Variants in GTF2F2 observed in about 807,000 individuals in gnomAD.
GTF2F2 encodes ATP-dependent helicase GTF2F2.
In GTF2F2, 23 loss-of-function variants were observed where a neutral mutation model predicts 42.2. That is an observed-to-expected ratio of 0.55 (90% CI 0.39 to 0.77). The LOEUF (loss-of-function observed/expected upper bound fraction) is 0.77, where lower values mean the gene tolerates loss of function less well. GTF2F2 is among the 30% of genes least tolerant of loss of function. The pLI, the probability that GTF2F2 is intolerant of heterozygous loss-of-function variation, is 0.00. For missense variants in GTF2F2, 261 were observed against 287.2 expected (o/e 0.91, Z 0.66); for synonymous variants, 105 against 100.8 (o/e 1.04, Z -0.25).
Position 45,174,978 on chromosome 13 carries a change from T to G in GTF2F2, c.304+23147T>G, listed in dbSNP as rs566607522. 1.4e-4 allele frequency among the ~76,000 whole-genome samples: 21 copies of G among 152,338 alleles called. 1 individual carries two copies. Among genetic ancestry groups the G allele is most frequent in the African/African-American group, 4.6e-4 (19 of 41,576 alleles). On this transcript the variant is annotated intron_variant, in intron 4 of 7. Coordinates refer to ENST00000340473, the MANE Select transcript of GTF2F2 (RefSeq NM_004128.3). ...TTGGGAATATTAAAAATCTTACAGCTCTTTGAAAATATGCACTAAATTATT... is the reference window on the plus strand; with the variant it reads ...TTGGGAATATTAAAAATCTTACAGCGCTTTGAAAATATGCACTAAATTATT...
chr13:45,260,028 G>A (rs1188775199), intron 6 of GTF2F2, among the ~76,000 whole-genome samples: 2 of 150,186 alleles, frequency 1.3e-5, no homozygotes, highest in Non-Finnish European at 3.0e-5. Flanking sequence ...GAAAGAACTC[G>A]AAAACCTTAA....
intron 7 of GTF2F2, among the ~76,000 whole-genome samples, chr13:45,279,920 C>A (rs551318636): frequency 1.3e-5 from 2 of 151,360 alleles, no homozygotes; most frequent in Non-Finnish European, 2.9e-5. Flanking sequence ...GTCCCCCCGC[C>A]CCCCCCAAAA....
intron 4 of GTF2F2, among the ~76,000 whole-genome samples, chr13:45,170,614 T>C (rs184180651): frequency 6.6e-6 from 1 of 152,332 alleles, no homozygotes; most frequent in Admixed American, 6.5e-5. Context: ...CTGAGTAAAT[T>C]ATATTCTAAT....
Position 45,194,579 on chromosome 13 carries a change from G to T in GTF2F2, c.305-12845G>T, listed in dbSNP as rs755078847. 3.8e-6 allele frequency: 6 copies of T among 1,599,580 alleles called. No individual in the cohort carries two copies. In the South Asian group the frequency reaches 6.7e-5, roughly 18 times the overall value. On this transcript the variant is annotated intron_variant, in intron 4 of 7. Coordinates refer to ENST00000340473, the MANE Select transcript of GTF2F2 (RefSeq NM_004128.3). ...ATTTTACGCTCCATTTTTTGAAGATGCTATTTCAGCTTGTTCTTCTTGGCT... is the reference window on the plus strand; with the variant it reads ...ATTTTACGCTCCATTTTTTGAAGATTCTATTTCAGCTTGTTCTTCTTGGCT...
intron 6 of GTF2F2, among the ~76,000 whole-genome samples, chr13:45,258,776 TATAA>T (rs1328190119): frequency 6.6e-6 from 1 of 152,216 alleles, no homozygotes; most frequent in African/African-American, 2.4e-5. Flanking sequence ...TATATCTATT[TATAA>T]ATACAGTAGT....
Position 45,283,671 on chromosome 13 carries a change from A to G in GTF2F2, c.*110A>G. ...ATGTTAATAGGGGTTAAGTGACAGT[A>G]CTTTGATTTCTCTCGGTAAATTTTT... On this transcript the variant is annotated 3_prime_UTR_variant, in exon 8 of 8. Transcript: ENST00000340473. 2 of 840,446 alleles carry G rather than the reference A, an allele frequency of 2.4e-6. No individual in the cohort carries two copies. 52.1% of individuals were successfully genotyped at this position (840,446 alleles called of 1,614,324 possible). A position where few individuals can be genotyped will look rare whatever the true frequency, so the allele number is the denominator to read the frequency against.
At chr13:45,137,290 A>G (rs1869678921) in intron 2 of GTF2F2, among the ~76,000 whole-genome samples, 1 of 152,208 alleles carries the variant, frequency 6.6e-6, no homozygotes, top group Admixed American at 6.5e-5. Flanking sequence ...CTTGTTAGAA[A>G]GGAAAGCCTC....
intron 5 of GTF2F2, among the ~76,000 whole-genome samples, chr13:45,227,044 G>T (rs1874394279): frequency 6.6e-6 from 1 of 152,116 alleles, no homozygotes; most frequent in South Asian, 2.1e-4. Context: ...AGGCTGCAGT[G>T]AGCTGTGATC....
chr13:45,236,330 C>A (rs1874978415), intron 5 of GTF2F2, among the ~76,000 whole-genome samples: 2 of 151,936 alleles, frequency 1.3e-5, no homozygotes, highest in African/African-American at 4.8e-5. Flanking sequence ...CAGTAGGAGG[C>A]CCTAGAATTT....
intron 7 of GTF2F2, among the ~76,000 whole-genome samples, chr13:45,276,756 G>A (rs1001518494): frequency 6.6e-6 from 1 of 152,132 alleles, no homozygotes; most frequent in African/African-American, 2.4e-5. Context: ...CAGTTTAGAA[G>A]CATGTCTTTA....
At chr13:45,276,498 A>G (rs578181751) in intron 7 of GTF2F2, among the ~76,000 whole-genome samples, 22 of 150,542 alleles carry the variant, frequency 1.5e-4, no homozygotes, top group Admixed American at 1.4e-3. Flanking sequence ...GTGCAATGGC[A>G]TGATCTCGGC....
intron 5 of GTF2F2, among the ~76,000 whole-genome samples, chr13:45,248,545 C>G (rs768261271): frequency 1.3e-5 from 2 of 152,110 alleles, no homozygotes; most frequent in African/African-American, 4.8e-5. Flanking sequence ...GCGATCTCAG[C>G]TCACTGCAAC....
chr13:45,265,471 A>C (rs78218019), intron 6 of GTF2F2, among the ~76,000 whole-genome samples: 66 of 152,180 alleles, frequency 4.3e-4, no homozygotes, highest in Middle Eastern at 3.4e-3. Flanking sequence ...TACTCTCCCC[A>C]TATCTTAGCG....
chr13:45,130,654 G>A (rs1869297651), intron 1 of GTF2F2, among the ~76,000 whole-genome samples: 1 of 152,108 alleles, frequency 6.6e-6, no homozygotes, highest in Admixed American at 6.5e-5. Flanking sequence ...ATTGGATTTG[G>A]GGTATAAGAA....
rs531550694 is a variant in GTF2F2, at chr13:45,173,446, A to T, written c.304+21615A>T. 2.0e-5 allele frequency among the ~76,000 whole-genome samples: 3 copies of T among 151,378 alleles called. No individual in the cohort carries two copies. In the South Asian group the frequency reaches 6.3e-4, roughly 32 times the overall value. ...TCACGTGTGGTTTCATATACCCATC[A>T]CCACACTCAAGATGCAGAACAGTTC... On this transcript the variant is annotated intron_variant, in intron 4 of 7. Transcript: ENST00000340473.
intron 6 of GTF2F2, among the ~76,000 whole-genome samples, chr13:45,256,318 C>T (rs935150668): frequency 6.6e-6 from 1 of 152,096 alleles, no homozygotes; most frequent in African/African-American, 2.4e-5. Flanking sequence ...TAAACAAGTA[C>T]TTTTTAAATA....
chr13:45,241,227 A>C (rs1875287355), intron 5 of GTF2F2, among the ~76,000 whole-genome samples: 1 of 151,038 alleles, frequency 6.6e-6, no homozygotes, highest in Admixed American at 6.6e-5. Flanking sequence ...AAATAGTTAG[A>C]AGATCTGATA....
chr13:45,151,497 T>C (rs1870490283), intron 3 of GTF2F2, among the ~76,000 whole-genome samples, 190 bp from the exon 4 acceptor site: 1 of 152,176 alleles, frequency 6.6e-6, no homozygotes, highest in Non-Finnish European at 1.5e-5. Context: ...TAGCGGGGAT[T>C]ATAGGTGTGC....
chr13:45,214,343 A>G (rs1023072172), intron 5 of GTF2F2, among the ~76,000 whole-genome samples: 1 of 152,196 alleles, frequency 6.6e-6, no homozygotes, highest in Non-Finnish European at 1.5e-5. Flanking sequence ...ATACTAGTAA[A>G]TACATACACT....
Sources: gnomAD v4.1 joint callset for allele counts (sites outside exome capture counted in the v4.1 genomes callset) on GRCh38, gnomAD v4.1.1 for gene constraint, MANE v1.5 for transcripts, NCBI Gene and HGNC (gene_info 2026-07-23, HGNC 2026-07-21) for gene names.